The following TRPM1 variants were observed in gnomAD, a reference collection of about 807,000 sequenced individuals.
TRPM1 encodes TRPM1-203 APA Isoform, Intron 10.
Under a neutral mutation model 149.4 loss-of-function variants are expected in TRPM1, and 113 were observed. The observed-to-expected ratio is 0.76, with a 90% CI of 0.65 to 0.88. The LOEUF is 0.88. Among genes scored for constraint, TRPM1 ranks in the 40% least tolerant of loss-of-function variants. The probability of loss-of-function intolerance (pLI) is 0.00; values close to 1 mark genes in which losing one functional copy is unlikely to be tolerated. For synonymous variants in TRPM1, 741 were observed against 759.5 expected, an observed-to-expected ratio of 0.98 and a Z score of 0.40; for missense variants, 1,976 against 2,038.7, an observed-to-expected ratio of 0.97 and a Z score of 0.59.
rs371863309 is a variant in TRPM1 at position 31,070,357 on chromosome 15, G to A, written c.84-131C>T. 110 of 859,872 alleles carry A rather than the reference G, an allele frequency of 1.3e-4. No homozygotes were observed. In the African/African-American group the frequency reaches 1.5e-3, roughly 12 times the overall value. The allele number at this position is 859,872 out of a possible 1,614,324, so 53.3% of individuals were successfully genotyped here. A position where few individuals can be genotyped will look rare whatever the true frequency, so the allele number is the denominator to read the frequency against. ...CCTACTAACACTTCAGTAAGCCAGC[G>A]TTATTAGGGACAGAAATGCCCCATC... On this transcript the variant is annotated intron_variant, in intron 3 of 27. Coordinates refer to ENST00000256552, the MANE Select transcript of TRPM1 (RefSeq NM_001252024.2).
intron 27 of TRPM1, among the ~76,000 whole-genome samples, chr15:31,015,367 A>G (rs12905872): frequency 0.55 from 83,688 of 151,140 alleles, 24,237 homozygotes; most frequent in African/African-American, 0.7. Flanking sequence ...AGCCGAGATC[A>G]TGCCATTGCC....
At chr15:31,079,104 T>C (rs1400149168) in intron 2 of TRPM1, among the ~76,000 whole-genome samples, 1 of 152,216 alleles carries the variant, frequency 6.6e-6, no homozygotes, top group African/African-American at 2.4e-5. Context: ...ACTCATGGTT[T>C]GTAATATATA....
intron 1 of TRPM1, among the ~76,000 whole-genome samples, chr15:31,127,829 C>T (rs1224396480): frequency 6.6e-6 from 1 of 152,142 alleles, no homozygotes; most frequent in Non-Finnish European, 1.5e-5. Context: ...CGCTCGGCTC[C>T]CAGAGGATGA....
intron 27 of TRPM1, among the ~76,000 whole-genome samples, chr15:31,016,259 G>A (rs1467335418): frequency 2.6e-5 from 4 of 152,156 alleles, no homozygotes; most frequent in Admixed American, 2.6e-4. Flanking sequence ...AAATCACATA[G>A]TGAAATAACT....
chr15:31,055,608 C>T (rs1040302149), intron 11 of TRPM1, among the ~76,000 whole-genome samples: 6 of 152,116 alleles, frequency 3.9e-5, no homozygotes, highest in African/African-American at 1.2e-4. Flanking sequence ...CATTCCTGGG[C>T]TTCACTCCCA....
At chr15:31,050,294 T>C in intron 12 of TRPM1, 115 bp downstream of exon 12, 1 of 1,481,260 alleles carries the variant, frequency 6.8e-7, no homozygotes, top group South Asian at 1.1e-5. Context: ...GTCAAGCCTT[T>C]ACCCGTCCCT....
intron 2 of TRPM1, among the ~76,000 whole-genome samples, chr15:31,079,293 T>C (rs960272598): frequency 9.9e-5 from 15 of 151,878 alleles, no homozygotes; most frequent in Admixed American, 5.9e-4. Context: ...GGACCAGGAG[T>C]TGAATGTGGC....
intron 1 of TRPM1, among the ~76,000 whole-genome samples, chr15:31,110,760 C>T (rs888735120): frequency 1.3e-5 from 2 of 152,166 alleles, no homozygotes; most frequent in Non-Finnish European, 2.9e-5. Context: ...ATGGAGTTAT[C>T]AGTGGGAGGA....
At chr15:31,137,876 AG>A (rs1162067705) in intron 1 of TRPM1, among the ~76,000 whole-genome samples, 3 of 152,206 alleles carry the variant, frequency 2.0e-5, no homozygotes, top group African/African-American at 7.2e-5. Context: ...TCAGAGCCAT[AG>A]TTTAAAATTT....
chr15:31,076,483 C>T (rs185636964), intron 3 of TRPM1, among the ~76,000 whole-genome samples: 32 of 152,300 alleles, frequency 2.1e-4, no homozygotes, highest in African/African-American at 7.7e-4. Context: ...GTTTTGTGTA[C>T]AAGCCAAATC....
At chr15:31,045,888 G>A (rs1051730063) in intron 16 of TRPM1, among the ~76,000 whole-genome samples, 2 of 152,154 alleles carry the variant, frequency 1.3e-5, no homozygotes, top group African/African-American at 2.4e-5. Flanking sequence ...TATGAAAATA[G>A]TCTATTGAAT....
intron 24 of TRPM1, among the ~76,000 whole-genome samples, chr15:31,028,864 G>C (rs1405298863): frequency 6.6e-6 from 1 of 151,968 alleles, no homozygotes; most frequent in Non-Finnish European, 1.5e-5. Flanking sequence ...CTTTATTGTG[G>C]CTTTCAAATA....
At chr15:31,014,130 A>G (rs1307260504) in intron 27 of TRPM1, among the ~76,000 whole-genome samples, 2 of 152,172 alleles carry the variant, frequency 1.3e-5, no homozygotes, top group African/African-American at 2.4e-5. Flanking sequence ...AATGTGTTAG[A>G]GCTTTTCAAA....
chr15:31,008,310 T>C (rs1016075398), intron 27 of TRPM1, among the ~76,000 whole-genome samples: 28 of 152,244 alleles, frequency 1.8e-4, no homozygotes, highest in African/African-American at 5.8e-4. Flanking sequence ...ATGTTAGCTA[T>C]AGATTTTATG....
At chr15:31,107,920 T>C (rs946727136) in intron 1 of TRPM1, among the ~76,000 whole-genome samples, 4 of 151,596 alleles carry the variant, frequency 2.6e-5, no homozygotes, top group Non-Finnish European at 5.9e-5. Context: ...TGCAGTGGCA[T>C]GATCTCAGCT....
intron 1 of TRPM1, among the ~76,000 whole-genome samples, chr15:31,140,022 A>G (rs1455552812): frequency 6.6e-6 from 1 of 152,048 alleles, no homozygotes; most frequent in Non-Finnish European, 1.5e-5. Context: ...TTTAAAGTAT[A>G]TATGCTTTGT....
chr15:31,088,889 A>G (rs1328763845), intron 1 of TRPM1, among the ~76,000 whole-genome samples: 6 of 151,556 alleles, frequency 4.0e-5, no homozygotes, highest in African/African-American at 1.2e-4. Context: ...CCCGAGCGGG[A>G]GATCAGTGTT....
Position 31,001,917 on chromosome 15 carries a change from C to T in TRPM1, c.4783G>A (p.Ala1595Thr). 2.3e-5 allele frequency: 37 copies of T among 1,614,154 alleles called. No homozygotes were observed. Among genetic ancestry groups the T allele is most frequent in the Non-Finnish European group, 3.1e-5 (37 of 1,180,028 alleles). Residue 1595 changes from alanine (A) to threonine (T), a missense_variant, in exon 28 of 28, where the codon GCC (alanine) becomes ACC (threonine). Ala to Thr is a moderately conservative substitution (Grantham distance 58). Coordinates refer to ENST00000256552, the MANE Select transcript of TRPM1 (RefSeq NM_001252024.2). ...ATTACTAAGCTGCTTACACTACTGG[C>T]ATGTCCAGATCTGTCTAACTTTCCC... The part of the protein sequence containing the change: ...IQGKLDRSGH[A>T]SSVSSLVIVS...
chr15:31,056,615 A>G (rs1433513652), intron 11 of TRPM1, among the ~76,000 whole-genome samples: 3 of 152,208 alleles, frequency 2.0e-5, no homozygotes, highest in Non-Finnish European at 4.4e-5. Flanking sequence ...CTGAATCCCC[A>G]GTGCAACAGT....
Sources: gnomAD v4.1 joint callset for allele counts (sites outside exome capture counted in the v4.1 genomes callset) on GRCh38, gnomAD v4.1.1 for gene constraint, MANE v1.5 for transcripts, NCBI Gene and HGNC (gene_info 2026-07-23, HGNC 2026-07-21) for gene names.